Variants in L3HYPDH observed in about 807,000 individuals in gnomAD.
L3HYPDH encodes trans-L-3-hydroxyproline dehydratase, also known as trans-3-hydroxy-L-proline dehydratase.
A neutral mutation model predicts 26.5 loss-of-function variants in L3HYPDH; 32 were observed. That is an observed-to-expected ratio of 1.21 (90% CI 0.91 to 1.62). The LOEUF is 1.62. Ranked by LOEUF, L3HYPDH falls within the 40% of genes most tolerant of loss-of-function variation. The pLI, the probability that L3HYPDH is intolerant of heterozygous loss-of-function variation, is 0.00. For missense variants in L3HYPDH, 554 were observed against 476.4 expected, an observed-to-expected ratio of 1.16 and a Z score of -1.52; for synonymous variants, 215 against 196.6, an observed-to-expected ratio of 1.09 and a Z score of -0.78.
At chr14:59,489,267 G>A (rs1452146629), upstream of L3HYPDH, among the ~76,000 whole-genome samples, 2 of 152,198 alleles carry the variant, frequency 1.3e-5, no homozygotes, top group Non-Finnish European at 2.9e-5. Flanking sequence ...AGCAGCCACA[G>A]CACATCTTGG....
chr14:59,497,140 C>T, the L3HYPDH span, among the ~76,000 whole-genome samples: 2 of 151,756 alleles, frequency 1.3e-5, no homozygotes, highest in African/African-American at 4.8e-5. Flanking sequence ...AAAAATACCA[C>T]AGGACTTTAC....
chr14:59,468,123 T>C (rs1045334405), downstream of L3HYPDH, among the ~76,000 whole-genome samples: 1 of 152,240 alleles, frequency 6.6e-6, no homozygotes, highest in Non-Finnish European at 1.5e-5. Context: ...TGTAGTGGCA[T>C]GTGCCTGTAG....
chr14:59,473,133 C>T (rs771321984), intron 4 of L3HYPDH, 43 bp from the exon 5 acceptor site: 3 of 1,533,082 alleles, frequency 2.0e-6, no homozygotes, highest in East Asian at 2.4e-5. Context: ...ATATTGCACT[C>T]GTATTATATC....
At position 59,484,354 on chromosome 14, in the gene L3HYPDH, A is replaced by G. The variant is rs370209236; in HGVS notation, c.-38T>C. The G allele has an allele frequency of 5.8e-5, 90 of 1,547,324 alleles. No homozygotes were observed. Among genetic ancestry groups the G allele is most frequent in the Non-Finnish European group, 7.2e-5 (83 of 1,150,792 alleles). ...GGGAGACGAGTACGGTCCCGCAGCT[A>G]TGGCTTCAAGCCCGACCCTCACCCA... is the stretch of plus-strand genomic sequence containing the variant. On this transcript the variant is annotated 5_prime_UTR_variant, in exon 1 of 5. Coordinates refer to ENST00000247194, the MANE Select transcript of L3HYPDH (RefSeq NM_144581.2).
At chr14:59,490,233 T>G in the L3HYPDH span, among the ~76,000 whole-genome samples, 9,470 of 152,212 alleles carry the variant, frequency 0.062, 391 homozygotes, top group Middle Eastern at 0.11. Context: ...CCAGGATCTT[T>G]TAAACAACCA....
At chr14:59,492,938 C>CAA in the L3HYPDH span, among the ~76,000 whole-genome samples, 1 of 152,038 alleles carries the variant, frequency 6.6e-6, no homozygotes, top group Admixed American at 6.6e-5. Flanking sequence ...GCTGGGACTA[C>CAA]AGGCGCCTGC....
downstream of L3HYPDH, among the ~76,000 whole-genome samples, chr14:59,468,768 G>A (rs1889250353): frequency 6.6e-6 from 1 of 152,168 alleles, no homozygotes. Flanking sequence ...TATTTTTTGA[G>A]TAACTGTAAG....
At chr14:59,479,075 C>T (rs1889835007) in intron 2 of L3HYPDH, 107 bp downstream of exon 2, 3 of 859,490 alleles carry the variant, frequency 3.5e-6, no homozygotes, top group Middle Eastern at 3.3e-4. Context: ...ATTCTTAGTA[C>T]TATTAATAAT....
the L3HYPDH span, among the ~76,000 whole-genome samples, chr14:59,494,120 G>GT: frequency 2.6e-4 from 30 of 113,336 alleles, no homozygotes; most frequent in African/African-American, 2.5e-4. Flanking sequence ...AAGAAAATTT[G>GT]GGTGTGTGTG....
chr14:59,497,331 A>G, the L3HYPDH span, among the ~76,000 whole-genome samples: 46 of 152,334 alleles, frequency 3.0e-4, 2 homozygotes, highest in South Asian at 8.9e-3. Context: ...AATTTAAACT[A>G]TCCCCACATG....
At chr14:59,498,936 A>C in the L3HYPDH span, 2 of 1,376,448 alleles carry the variant, frequency 1.5e-6, no homozygotes, top group Admixed American at 4.3e-5. Context: ...AGTCAATGAA[A>C]TATATTTATT....
At chr14:59,505,170 T>C in the L3HYPDH span, 3 of 721,834 alleles carry the variant, frequency 4.2e-6, no homozygotes, top group Non-Finnish European at 6.4e-6. Flanking sequence ...CTGCAAAATA[T>C]GAAAGTAAGT....
upstream of L3HYPDH, chr14:59,487,160 A>C (rs531533800): frequency 6.1e-6 from 1 of 164,998 alleles, no homozygotes; most frequent in African/African-American, 2.4e-5. Context: ...CCAAGATTGC[A>C]CCACTGCATT....
rs1264581058 is a variant in L3HYPDH, at chr14:59,483,859, C to A, written c.458G>T (p.Ser153Ile). The change falls in exon 1 of 5, where the codon AGC (serine) becomes ATC (isoleucine). Residue 153 changes from serine to isoleucine, a missense_variant. Ser to Ile is a moderately radical substitution (Grantham distance 142). Coordinates refer to ENST00000247194, the MANE Select transcript of L3HYPDH (RefSeq NM_144581.2). ...GCTGTGGAAGCGCACCGGTCCGTGGCTGCGGCCGTCCTCGCATGCCACGAA... is the reference window on the plus strand; with the variant it reads ...GCTGTGGAAGCGCACCGGTCCGTGGATGCGGCCGTCCTCGCATGCCACGAA... ...TAFVACEDGR[S>I]HGPVRFHSVP... The A allele has an allele frequency of 2.5e-6, 4 of 1,585,064 alleles. No homozygotes were observed. The highest frequency in any genetic ancestry group is 1.3e-5 in the African/African-American group (1 of 74,686).
chr14:59,503,795 C>A, the L3HYPDH span: 3 of 994,470 alleles, frequency 3.0e-6, no homozygotes, highest in Non-Finnish European at 3.1e-6. Flanking sequence ...TTAAATTACC[C>A]AGCTGACTTA....
At chr14:59,486,675 C>A (rs770832386), upstream of L3HYPDH, 1 of 1,374,494 alleles carries the variant, frequency 7.3e-7, no homozygotes, top group African/African-American at 1.5e-5. Context: ...TTTATAATCA[C>A]AAAAGATGTT....
At chr14:59,482,369 C>T (rs1223519598) in intron 1 of L3HYPDH, among the ~76,000 whole-genome samples, 1 of 152,174 alleles carries the variant, frequency 6.6e-6, no homozygotes. Flanking sequence ...TACAGTGATG[C>T]TCTCAGGAAC....
the L3HYPDH span, among the ~76,000 whole-genome samples, chr14:59,502,201 A>G: frequency 6.6e-6 from 1 of 152,194 alleles, no homozygotes; most frequent in Non-Finnish European, 1.5e-5. Flanking sequence ...TAACTGTTAT[A>G]CATATTACAT....
At chr14:59,497,678 T>C in the L3HYPDH span, among the ~76,000 whole-genome samples, 11 of 152,188 alleles carry the variant, frequency 7.2e-5, no homozygotes, top group Non-Finnish European at 1.5e-4. Context: ...CAGGAATGGA[T>C]AGATTTTGTT....
Sources: allele counts gnomAD v4.1 joint callset (sites outside exome capture counted in the v4.1 genomes callset), GRCh38; gene constraint gnomAD v4.1.1; transcripts MANE v1.5; gene names NCBI Gene and HGNC (gene_info 2026-07-23, HGNC 2026-07-21).